The following ANO10 variants were observed in gnomAD, a reference collection of about 807,000 sequenced individuals.
ANO10 encodes anoctamin-10.
In ANO10, 77 loss-of-function variants were observed where a neutral mutation model predicts 74.7. The ratio of observed to expected loss-of-function variants is 1.03; its 90% CI spans 0.86 to 1.25. The LOEUF is 1.25. Ranked by LOEUF, ANO10 falls within the 50% of genes most tolerant of loss-of-function variation. The probability of loss-of-function intolerance (pLI) is 0.00; values close to 1 mark genes in which losing one functional copy is unlikely to be tolerated. For synonymous variants in ANO10, 279 were observed against 284.9 expected (o/e 0.98, Z 0.21); for missense variants, 721 against 778.1 (o/e 0.93, Z 0.87).
At chr3:43,567,332 A>C (rs1032757130) in intron 7 of ANO10, among the ~76,000 whole-genome samples, 4 of 151,636 alleles carry the variant, frequency 2.6e-5, no homozygotes, top group African/African-American at 4.8e-5. Flanking sequence ...AATACAGAGA[A>C]CGCCACAAAG....
intron 11 of ANO10, among the ~76,000 whole-genome samples, chr3:43,451,086 C>T (rs2074845974): frequency 6.6e-6 from 1 of 152,214 alleles, no homozygotes; most frequent in African/African-American, 2.4e-5. Flanking sequence ...TACTTTGAAT[C>T]ATGGTCCCTA....
intron 12 of ANO10, among the ~76,000 whole-genome samples, chr3:43,385,011 AATCTAT>A (rs1427112625): frequency 6.6e-6 from 1 of 152,194 alleles, no homozygotes; most frequent in East Asian, 1.9e-4. Flanking sequence ...AAATCTTCAT[AATCTAT>A]ATATACAACC....
intron 11 of ANO10, among the ~76,000 whole-genome samples, chr3:43,513,133 T>G (rs1463825420): frequency 6.6e-6 from 1 of 152,154 alleles, no homozygotes; most frequent in Non-Finnish European, 1.5e-5. Context: ...GGAAACTATC[T>G]GAGGTCCGGG....
chr3:43,665,778 T>C (rs2083983694), intron 1 of ANO10, among the ~76,000 whole-genome samples: 1 of 152,228 alleles, frequency 6.6e-6, no homozygotes, highest in Non-Finnish European at 1.5e-5. Flanking sequence ...AATGTAATTA[T>C]ATTATTCAAC....
chr3:43,432,544 T>G, intron 12 of ANO10, 67 bp downstream of exon 12: 1 of 1,315,092 alleles, frequency 7.6e-7, no homozygotes, highest in Non-Finnish European at 1.1e-6. Context: ...TGAGACTGAT[T>G]CTTCTGAATT....
intron 2 of ANO10, among the ~76,000 whole-genome samples, chr3:43,601,068 C>A (rs781354561): frequency 7.9e-5 from 12 of 151,988 alleles, no homozygotes; most frequent in African/African-American, 1.5e-4. Flanking sequence ...TGATTTTTCC[C>A]ATAAATTTCT....
intron 12 of ANO10, among the ~76,000 whole-genome samples, chr3:43,371,588 T>C (rs2091613508): frequency 6.6e-6 from 1 of 152,062 alleles, no homozygotes; most frequent in Non-Finnish European, 1.5e-5. Context: ...ACCCTCCAAG[T>C]CTCCCTGAGA....
intron 11 of ANO10, among the ~76,000 whole-genome samples, chr3:43,511,595 A>T (rs977944247): frequency 6.6e-6 from 1 of 152,154 alleles, no homozygotes; most frequent in African/African-American, 2.4e-5. Flanking sequence ...TCTGTTAGTC[A>T]TTGCCCTTCA....
intron 8 of ANO10, among the ~76,000 whole-genome samples, chr3:43,562,471 A>AAAAAAAAAAAG (rs1491180041): frequency 6.8e-6 from 1 of 147,550 alleles, no homozygotes; most frequent in Non-Finnish European, 1.5e-5. Flanking sequence ...AAAAAAAAAA[A>AAAAAAAAAAAG]GAAGTTTGAG....
chr3:43,571,727 C>T (rs576414584), intron 7 of ANO10, among the ~76,000 whole-genome samples: 3,235 of 151,294 alleles, frequency 0.021, 41 homozygotes, highest in Middle Eastern at 0.051. Context: ...GGAGATATAC[C>T]TAATGCTAGA....
At chr3:43,382,500 C>A (rs914399198) in intron 12 of ANO10, among the ~76,000 whole-genome samples, 8 of 142,270 alleles carry the variant, frequency 5.6e-5, no homozygotes, top group Admixed American at 7.2e-5. Context: ...GCCTGGGCGA[C>A]AGAGCGAGAC....
intron 12 of ANO10, among the ~76,000 whole-genome samples, chr3:43,398,845 T>C (rs1365121772): frequency 1.3e-5 from 2 of 152,222 alleles, no homozygotes; most frequent in Non-Finnish European, 2.9e-5. Flanking sequence ...ATAGAGTTTT[T>C]TGAGAAAGGG....
At chr3:43,544,123 A>C (rs1182490422) in intron 11 of ANO10, among the ~76,000 whole-genome samples, 3 of 152,222 alleles carry the variant, frequency 2.0e-5, no homozygotes, top group Non-Finnish European at 2.9e-5. Flanking sequence ...TTTGCTAAAA[A>C]TTACATCAAA....
At chr3:43,674,422 T>C (rs1348629284) in intron 1 of ANO10, among the ~76,000 whole-genome samples, 1 of 152,158 alleles carries the variant, frequency 6.6e-6, no homozygotes, top group Non-Finnish European at 1.5e-5. Context: ...GTAGCTGAGA[T>C]TACAGGCACC....
chr3:43,556,237 T>C (rs1575417561), intron 9 of ANO10, among the ~76,000 whole-genome samples: 3 of 152,340 alleles, frequency 2.0e-5, no homozygotes, highest in South Asian at 4.1e-4. Flanking sequence ...TTTTACCACA[T>C]TCAGTCTTAA....
chr3:43,610,095 T>C (rs760981530), intron 1 of ANO10, among the ~76,000 whole-genome samples: 3 of 152,086 alleles, frequency 2.0e-5, no homozygotes, highest in Non-Finnish European at 2.9e-5. Flanking sequence ...TACAAAAATA[T>C]TTTATTTATA....
intron 4 of ANO10, among the ~76,000 whole-genome samples, chr3:43,589,479 G>A (rs2081627083): frequency 6.6e-6 from 1 of 152,104 alleles, no homozygotes; most frequent in Non-Finnish European, 1.5e-5. Context: ...CTGAGGTCAG[G>A]AGTTCAAGAC....
intron 1 of ANO10, among the ~76,000 whole-genome samples, chr3:43,671,765 T>C (rs1474189916): frequency 6.6e-6 from 1 of 152,102 alleles, no homozygotes; most frequent in East Asian, 1.9e-4. Context: ...ATATGTATAC[T>C]GCATATGCTA....
intron 12 of ANO10, among the ~76,000 whole-genome samples, chr3:43,419,843 C>T (rs2092794248): frequency 6.6e-6 from 1 of 152,116 alleles, no homozygotes; most frequent in Admixed American, 6.6e-5. Flanking sequence ...TCTGTATTTT[C>T]ATTTTGAGTT....
Sources: allele counts gnomAD v4.1 joint callset (sites outside exome capture counted in the v4.1 genomes callset), GRCh38; gene constraint gnomAD v4.1.1; transcripts MANE v1.5; gene names NCBI Gene and HGNC (gene_info 2026-07-23, HGNC 2026-07-21).